Variants in PCP4L1 observed in about 807,000 individuals in gnomAD.
PCP4L1 encodes Purkinje cell protein 4-like protein 1.
A neutral mutation model predicts 9.6 loss-of-function variants in PCP4L1; 9 were observed. That is an observed-to-expected ratio of 0.94 (90% CI 0.57 to 1.64). The LOEUF is 1.64. Ranked by LOEUF, PCP4L1 falls within the 40% of genes most tolerant of loss-of-function variation. The pLI, the probability that PCP4L1 is intolerant of heterozygous loss-of-function variation, is 0.00. For missense variants in PCP4L1, 81 were observed against 80.8 expected, an observed-to-expected ratio of 1.00 and a Z score of -0.01; for synonymous variants, 31 against 28.2, an observed-to-expected ratio of 1.10 and a Z score of -0.31.
intron 1 of PCP4L1, among the ~76,000 whole-genome samples, chr1:161,263,899 CTTTTTTTTT>C (rs1160429112): frequency 1.4e-5 from 1 of 70,768 alleles, no homozygotes; most frequent in African/African-American, 6.1e-5. Context: ...ACTTTCTTTC[CTTTTTTTTT>C]TTTTTTTTTT....
chr1:161,265,733 T>C (rs1006791351), intron 1 of PCP4L1, among the ~76,000 whole-genome samples: 23 of 9,370 alleles, frequency 2.5e-3, no homozygotes, highest in African/African-American at 3.8e-3. Context: ...CCAAAACCAC[T>C]TTTTTTTTTT....
At chr1:161,284,241 T>C (rs1358154792) in intron 2 of PCP4L1, 98 bp from the exon 3 acceptor site, 2 of 1,537,374 alleles carry the variant, frequency 1.3e-6, no homozygotes. Flanking sequence ...CCACAGAGTC[T>C]GGCACAAGGT....
intron 1 of PCP4L1, among the ~76,000 whole-genome samples, chr1:161,270,138 A>G (rs188764738): frequency 2.6e-5 from 4 of 152,184 alleles, no homozygotes; most frequent in Non-Finnish European, 4.4e-5. Flanking sequence ...CTCTACTAAA[A>G]ATACAAAAAT....
In PCP4L1 at chr1:161,284,550, A is replaced by G. The variant is rs924557792; in HGVS notation, c.*69A>G. 5.8e-6 allele frequency: 9 copies of G among 1,559,426 alleles called. No homozygotes were observed. Among genetic ancestry groups the G allele is most frequent in the African/African-American group, 4.1e-5 (3 of 73,418 alleles). On this transcript the variant is annotated 3_prime_UTR_variant, in exon 3 of 3. Coordinates refer to ENST00000504449, the MANE Select transcript of PCP4L1 (RefSeq NM_001102566.2). ...TCTCTCCCCTTCTCCACACCCATGT[A>G]TCTTTATCCCTTGTCCCTCTAGCCT...
chr1:161,258,966 G>T lies in PCP4L1; in HGVS notation c.-9G>T. 6.5e-7 allele frequency: 1 copy of T among 1,534,384 alleles called. No individual in the cohort carries two copies. The highest frequency in any genetic ancestry group is 8.7e-7 in the Non-Finnish European group (1 of 1,145,942). On this transcript the variant is annotated 5_prime_UTR_variant, in exon 1 of 3. Transcript: ENST00000504449. Reference sequence around the variant, plus strand: ...TGCAGCGCCTCGCGCGCCCTGTCCGGCTGCGGAGATGAGCGAGGTGAGCGG... The same window carrying T: ...TGCAGCGCCTCGCGCGCCCTGTCCGTCTGCGGAGATGAGCGAGGTGAGCGG...
chr1:161,282,374 G>A (rs573977795), intron 1 of PCP4L1, among the ~76,000 whole-genome samples: 8 of 140,074 alleles, frequency 5.7e-5, no homozygotes, highest in African/African-American at 1.0e-4. Context: ...GAGGGAGAGC[G>A]TGGAAAGAGA....
rs745326894 is a variant in PCP4L1, at chr1:161,284,401, C to A, written c.127C>A (p.Pro43Thr). The stretch of plus-strand genomic sequence containing the variant: ...GGAGATTGACATTGATCTGACAGCA[C>A]CAGAAACAGAGAAGGCTGCCCTTGC... ...EEEIDIDLTA[P>T]ETEKAALAIQ... Residue 43 changes from proline to threonine, a missense_variant, in exon 3 of 3, where the codon CCA becomes ACA. Transcript: ENST00000504449. The A allele has an allele frequency of 3.1e-6, 5 of 1,613,900 alleles. No homozygotes were observed. In the African/African-American group the frequency reaches 4.0e-5, roughly 13 times the overall value.
chr1:161,263,082 G>A (rs2102230746), intron 1 of PCP4L1, among the ~76,000 whole-genome samples: 1 of 152,264 alleles, frequency 6.6e-6, no homozygotes, highest in South Asian at 2.1e-4. Flanking sequence ...CATTTTACAG[G>A]TGAGAAAACT....
intron 1 of PCP4L1, among the ~76,000 whole-genome samples, chr1:161,279,069 C>T (rs558168159): frequency 6.6e-6 from 1 of 152,214 alleles, no homozygotes; most frequent in Non-Finnish European, 1.5e-5. Flanking sequence ...AGGCATGAGC[C>T]ACTGCATCTG....
intron 1 of PCP4L1, among the ~76,000 whole-genome samples, chr1:161,281,634 G>A (rs1454042244): frequency 6.6e-6 from 1 of 151,858 alleles, no homozygotes; most frequent in Non-Finnish European, 1.5e-5. Context: ...CCCGGACGGG[G>A]TGGCTGCCGG....
intron 1 of PCP4L1, among the ~76,000 whole-genome samples, chr1:161,261,115 A>T (rs1002569108): frequency 9.9e-5 from 15 of 152,134 alleles, no homozygotes; most frequent in African/African-American, 3.4e-4. Context: ...CTCCTCTTTC[A>T]GGTGGAAGAG....
rs143023228 is a variant in PCP4L1, at chr1:161,264,361, A to G, written c.9+5378A>G. ...GTGAAACCCCGTCTCTATTAAAACT[A>G]CAAAAATTAGCCAGGTGTGGTGGCA... On this transcript the variant is annotated intron_variant, in intron 1 of 2. Transcript: ENST00000504449. Among the ~76,000 whole-genome samples, 675 of 152,108 alleles carry G rather than the reference A, an allele frequency of 4.4e-3. 6 individuals are homozygous for G. Among genetic ancestry groups the G allele is most frequent in the African/African-American group, 0.015 (622 of 41,540 alleles).
rs10654377 is a variant in PCP4L1, at chr1:161,268,551, C to CTTTTTTTTTTT, written c.9+9577_9+9587dup. Among the ~76,000 whole-genome samples, 13 of 114,052 alleles carry CTTTTTTTTTTT rather than the reference C, an allele frequency of 1.1e-4. 2 individuals are homozygous for CTTTTTTTTTTT. The highest frequency in any genetic ancestry group is 1.4e-4 in the Non-Finnish European group (8 of 58,934). 74.8% of individuals were successfully genotyped at this position (114,052 alleles called of 152,430 possible). On this transcript the variant is annotated intron_variant, in intron 1 of 2. Transcript: ENST00000504449. The stretch of plus-strand genomic sequence containing the variant: ...TACATTTTTCTCTGGTTCCTTTTAC[C>CTTTTTTTTTTT]TTTTTTTTTTTTTTTTTTTGAGATG...
chr1:161,279,894 C>G (rs1378030829), intron 1 of PCP4L1, among the ~76,000 whole-genome samples: 2 of 152,056 alleles, frequency 1.3e-5, no homozygotes, highest in Non-Finnish European at 2.9e-5. Context: ...GTCTTGAACT[C>G]CTGGGCTCAA....
At chr1:161,272,870 G>A (rs574209248) in intron 1 of PCP4L1, among the ~76,000 whole-genome samples, 2 of 152,192 alleles carry the variant, frequency 1.3e-5, no homozygotes, top group East Asian at 3.9e-4. Context: ...TCTGACAAAT[G>A]CTCTGGGAGG....
intron 1 of PCP4L1, among the ~76,000 whole-genome samples, chr1:161,280,766 C>G (rs1669780448): frequency 6.6e-6 from 1 of 152,202 alleles, no homozygotes; most frequent in African/African-American, 2.4e-5. Flanking sequence ...TTACTGTAAT[C>G]TCTTGGCTTT....
rs1336340359 is a variant in PCP4L1 at position 161,284,460 on chromosome 1, G to A, written c.186G>A (p.Arg62=). ...GCAAGTTCCGGCGATTTCAGAAAAG[G>A]AAAAAGGATCCCAGCTCCTGAATGG... ...IQGKFRRFQK[R]KKDPSS is the part of the protein sequence containing the mutation. Residue 62 remains arginine, a synonymous_variant, in exon 3 of 3, where the codon AGG becomes AGA. Transcript: ENST00000504449. 17 of 1,613,624 alleles carry A rather than the reference G, an allele frequency of 1.1e-5. No individual in the cohort carries two copies. Among genetic ancestry groups the A allele is most frequent in the Non-Finnish European group, 1.4e-5 (17 of 1,179,798 alleles).
intron 1 of PCP4L1, among the ~76,000 whole-genome samples, chr1:161,282,255 C>T (rs761968092): frequency 2.0e-5 from 3 of 152,108 alleles, no homozygotes; most frequent in African/African-American, 2.4e-5. Context: ...GGCGTGGCGG[C>T]GCGCGCCTGC....
chr1:161,258,961 G>A lies in PCP4L1; in HGVS notation c.-14G>A. The A allele has an allele frequency of 1.3e-6, 2 of 1,534,472 alleles. No individual in the cohort carries two copies. The highest frequency in any genetic ancestry group is 1.2e-5 in the South Asian group (1 of 83,954). On this transcript the variant is annotated 5_prime_UTR_variant, in exon 1 of 3. Coordinates refer to ENST00000504449, the MANE Select transcript of PCP4L1 (RefSeq NM_001102566.2). ...GTGCGTGCAGCGCCTCGCGCGCCCT[G>A]TCCGGCTGCGGAGATGAGCGAGGTG...
Sources: allele counts gnomAD v4.1 joint callset (sites outside exome capture counted in the v4.1 genomes callset), GRCh38; gene constraint gnomAD v4.1.1; transcripts MANE v1.5; gene names NCBI Gene and HGNC (gene_info 2026-07-23, HGNC 2026-07-21).